CSGALNACT1: variants seen among roughly 807,000 people sequenced by gnomAD.
CSGALNACT1 encodes the protein chondroitin sulfate N-acetylgalactosaminyltransferase 1, also known as beta4GalNAcT-1.
A neutral mutation model predicts 51.0 loss-of-function variants in CSGALNACT1; 52 were observed. That is an observed-to-expected ratio of 1.02 (90% CI 0.82 to 1.29). The LOEUF (loss-of-function observed/expected upper bound fraction) is 1.29, where lower values mean the gene tolerates loss of function less well. Ranked by LOEUF, CSGALNACT1 falls within the 50% of genes most tolerant of loss-of-function variation. The probability of loss-of-function intolerance (pLI) is 0.00; values close to 1 mark genes in which losing one functional copy is unlikely to be tolerated. For synonymous variants in CSGALNACT1, 341 were observed against 254.4 expected (o/e 1.34, Z -3.24); for missense variants, 935 against 679.2 (o/e 1.38, Z -4.19).
intron 4 of CSGALNACT1, among the ~76,000 whole-genome samples, chr8:19,488,468 T>C (rs1383019464): frequency 6.7e-6 from 1 of 149,688 alleles, no homozygotes; most frequent in East Asian, 2.0e-4. Context: ...GAACAATGTT[T>C]ACTTTTATAA....
At chr8:19,501,938 A>G (rs1391473121) in intron 4 of CSGALNACT1, among the ~76,000 whole-genome samples, 1 of 152,238 alleles carries the variant, frequency 6.6e-6, no homozygotes, top group East Asian at 1.9e-4. Context: ...TAAGAATCCA[A>G]CACAAAAATC....
At chr8:19,750,832 C>T (rs1159052552) in intron 1 of CSGALNACT1, among the ~76,000 whole-genome samples, 1 of 152,112 alleles carries the variant, frequency 6.6e-6, no homozygotes, top group Non-Finnish European at 1.5e-5. Context: ...AGCCTTAATA[C>T]CTTAATATTC....
intron 3 of CSGALNACT1, among the ~76,000 whole-genome samples, chr8:19,561,995 C>A (rs529234766): frequency 6.4e-4 from 97 of 152,274 alleles, no homozygotes; most frequent in Non-Finnish European, 1.2e-3. Context: ...CTATCCTCCA[C>A]CGTGGCTTCC....
At chr8:19,659,504 T>C (rs2058582719) in intron 1 of CSGALNACT1, among the ~76,000 whole-genome samples, 1 of 152,220 alleles carries the variant, frequency 6.6e-6, no homozygotes, top group Non-Finnish European at 1.5e-5. Context: ...TTCCCAGGCA[T>C]AGAAAATTAG....
At chr8:19,469,007 G>C (rs905861962) in intron 4 of CSGALNACT1, among the ~76,000 whole-genome samples, 9 of 152,244 alleles carry the variant, frequency 5.9e-5, no homozygotes, top group African/African-American at 2.2e-4. Flanking sequence ...AGGGGCAGAA[G>C]ACAGCAGCAT....
chr8:19,539,830 G>A (rs1034439331), intron 3 of CSGALNACT1, among the ~76,000 whole-genome samples: 3 of 152,202 alleles, frequency 2.0e-5, no homozygotes, highest in Admixed American at 1.3e-4. Flanking sequence ...GGAGTTCTAG[G>A]CTATTAAACA....
chr8:19,633,232 G>C lies in CSGALNACT1; in HGVS notation c.-543-31367C>G, dbSNP rs553747410. Among the ~76,000 whole-genome samples, 8 of 152,218 alleles carry C rather than the reference G, an allele frequency of 5.3e-5. 1 individual carries two copies. The South Asian group carries it at 1.7e-3, about 32-fold the overall frequency. ...GTCGTCGGTGAATCTTTATCATTGA[G>C]TCTCGAGGCTGGAGAGTTCCAAGTA... On this transcript the variant is annotated intron_variant, in intron 1 of 9. Transcript: ENST00000332246.
chr8:19,487,003 C>A (rs1403996810), intron 4 of CSGALNACT1, among the ~76,000 whole-genome samples: 1 of 152,138 alleles, frequency 6.6e-6, no homozygotes, highest in Non-Finnish European at 1.5e-5. Flanking sequence ...CTTAGGAAGC[C>A]AAGGCAAACA....
chr8:19,528,738 C>A (rs1437252755), intron 3 of CSGALNACT1, among the ~76,000 whole-genome samples: 2 of 152,194 alleles, frequency 1.3e-5, no homozygotes, highest in Non-Finnish European at 2.9e-5. Flanking sequence ...GGTATGCATT[C>A]TCCTTTGCAG....
At chr8:19,659,402 T>A (rs1004596590) in intron 1 of CSGALNACT1, among the ~76,000 whole-genome samples, 5 of 152,218 alleles carry the variant, frequency 3.3e-5, no homozygotes, top group African/African-American at 1.2e-4. Context: ...TCTCTTTGCA[T>A]CAACCCAAGA....
chr8:19,483,601 C>G (rs773765684), intron 4 of CSGALNACT1, among the ~76,000 whole-genome samples: 11 of 152,162 alleles, frequency 7.2e-5, no homozygotes, highest in Non-Finnish European at 1.3e-4. Context: ...TCAATCCTTT[C>G]CACACCCTAC....
At chr8:19,752,546 T>C (rs2065107786) in intron 1 of CSGALNACT1, among the ~76,000 whole-genome samples, 1 of 152,196 alleles carries the variant, frequency 6.6e-6, no homozygotes, top group South Asian at 2.1e-4. Context: ...ACCATTTTAG[T>C]AATTTTATTA....
At position 19,510,022 on chromosome 8, in the gene CSGALNACT1, G is replaced by A. The variant is rs533840313; in HGVS notation, c.-296-3892C>T. On this transcript the variant is annotated intron_variant, in intron 3 of 9. Coordinates refer to ENST00000454498, the Ensembl canonical transcript of CSGALNACT1. ...TCAACAACAAATTTTAGGACCCCTG[G>A]AAGAAGGGAGATACATAATTCCCGT... Among the ~76,000 whole-genome samples the A allele has an allele frequency of 4.1e-4, 63 of 152,316 alleles. 1 individual carries two copies. The East Asian group carries it at 6.4e-3, about 15-fold the overall frequency.
At chr8:19,430,743 G>A (rs1366610634) in intron 6 of CSGALNACT1, among the ~76,000 whole-genome samples, 1 of 152,082 alleles carries the variant, frequency 6.6e-6, no homozygotes, top group Non-Finnish European at 1.5e-5. Context: ...AGTCATCTTG[G>A]ATTTTAATAG....
intron 1 of CSGALNACT1, among the ~76,000 whole-genome samples, chr8:19,608,398 A>G (rs1241451252): frequency 6.6e-6 from 1 of 152,210 alleles, no homozygotes; most frequent in Non-Finnish European, 1.5e-5. Flanking sequence ...TCTGCCATGA[A>G]ATAATTGTGT....
chr8:19,653,773 G>A (rs1289207984), intron 1 of CSGALNACT1, among the ~76,000 whole-genome samples: 1 of 150,228 alleles, frequency 6.7e-6, no homozygotes, highest in Non-Finnish European at 1.5e-5. Flanking sequence ...ACTCCAGCAT[G>A]GGTGAATGAA....
At chr8:19,532,068 G>T (rs1324437478) in intron 3 of CSGALNACT1, 2 of 152,034 alleles carry the variant, frequency 1.3e-5, no homozygotes, top group Admixed American at 1.3e-4. Context: ...GAATGCCATG[G>T]TGTACTGTAA....
At chr8:19,526,877 G>A (rs1044867086) in intron 3 of CSGALNACT1, among the ~76,000 whole-genome samples, 2 of 152,062 alleles carry the variant, frequency 1.3e-5, no homozygotes, top group Non-Finnish European at 2.9e-5. Flanking sequence ...CATTCCAGGA[G>A]TACAAAAAAT....
intron 1 of CSGALNACT1, among the ~76,000 whole-genome samples, chr8:19,709,639 C>G (rs2062381537): frequency 6.6e-6 from 1 of 152,290 alleles, no homozygotes; most frequent in African/African-American, 2.4e-5. Flanking sequence ...GCCAAAATAG[C>G]TTGTTGCTTT....
Sources: gnomAD v4.1 joint callset for allele counts (sites outside exome capture counted in the v4.1 genomes callset) on GRCh38, gnomAD v4.1.1 for gene constraint, MANE v1.5 for transcripts, NCBI Gene and HGNC (gene_info 2026-07-23, HGNC 2026-07-21) for gene names.